PIGB: variants seen among roughly 807,000 people sequenced by gnomAD.
PIGB encodes GPI alpha-1,2-mannosyltransferase 3.
Under a neutral mutation model 68.4 loss-of-function variants are expected in PIGB, and 58 were observed. The ratio of observed to expected loss-of-function variants is 0.85; its 90% CI spans 0.69 to 1.06. PIGB has a LOEUF of 1.06. PIGB is among the 50% of genes least tolerant of loss of function. The pLI, the probability that PIGB is intolerant of heterozygous loss-of-function variation, is 0.00. For missense variants in PIGB, 634 were observed against 655.8 expected, an observed-to-expected ratio of 0.97 and a Z score of 0.36; for synonymous variants, 219 against 220.5, an observed-to-expected ratio of 0.99 and a Z score of 0.06.
At chr15:55,351,110 CTTT>C (rs374683561) in intron 10 of PIGB, among the ~76,000 whole-genome samples, 198 bp downstream of exon 10, 7 of 135,684 alleles carry the variant, frequency 5.2e-5, no homozygotes, top group Non-Finnish European at 1.6e-5. Context: ...AACTTTTTTT[CTTT>C]TTTTTTTTTT....
chr15:55,322,744 G>A (rs2055195656), intron 3 of PIGB, among the ~76,000 whole-genome samples: 1 of 152,202 alleles, frequency 6.6e-6, no homozygotes, highest in Non-Finnish European at 1.5e-5. Context: ...GGAAGATGAT[G>A]GGGAAGGAGA....
Position 55,355,494 on chromosome 15 carries a change from G to C in PIGB, c.*62G>C. On this transcript the variant is annotated 3_prime_UTR_variant, in exon 12 of 12. Transcript: ENST00000164305. The stretch of plus-strand genomic sequence containing the variant: ...ATTCAGATGCTGCTTAAATACTTCG[G>C]TAAACACTGGGTAAGATTCATGGAA... 1 of 1,327,940 alleles carries C rather than the reference G, an allele frequency of 7.5e-7. No individual in the cohort carries two copies. The highest frequency in any genetic ancestry group is 2.3e-5 in the East Asian group (1 of 42,622). The allele number at this position is 1,327,940 out of a possible 1,614,324, so 82.3% of individuals were successfully genotyped here. A position where few individuals can be genotyped will look rare whatever the true frequency, so the allele number is the denominator to read the frequency against.
chr15:55,321,262 A>C lies in PIGB; in HGVS notation c.300-11A>C, dbSNP rs1179529559. On this transcript the variant is annotated splice_polypyrimidine_tract_variant and intron_variant, in intron 2 of 11. Transcript: ENST00000164305. ...CAATATTATTGGACATTTACTCCTT[A>C]ATGTTACTAATTATGGTTATTTGAC... is the stretch of plus-strand genomic sequence containing the variant. 7 of 1,586,522 alleles carry C rather than the reference A, an allele frequency of 4.4e-6. No individual in the cohort carries two copies. The highest frequency in any genetic ancestry group is 5.1e-6 in the Non-Finnish European group (6 of 1,167,730).
At chr15:55,344,016 C>A (rs560944558) in intron 9 of PIGB, among the ~76,000 whole-genome samples, 1 of 152,196 alleles carries the variant, frequency 6.6e-6, no homozygotes, top group Non-Finnish European at 1.5e-5. Flanking sequence ...TCTTTCCTAA[C>A]TACTTGAAAT....
chr15:55,355,494 G>T lies in PIGB; in HGVS notation c.*62G>T. ...ATTCAGATGCTGCTTAAATACTTCG[G>T]TAAACACTGGGTAAGATTCATGGAA... On this transcript the variant is annotated 3_prime_UTR_variant, in exon 12 of 12. Transcript: ENST00000164305. 7.5e-7 allele frequency: 1 copy of T among 1,327,940 alleles called. No individual in the cohort carries two copies. The highest frequency in any genetic ancestry group is 1.3e-5 in the South Asian group (1 of 75,038). 82.3% of individuals were successfully genotyped at this position (1,327,940 alleles called of 1,614,324 possible).
chr15:55,337,363 C>A (rs955395600), intron 6 of PIGB, among the ~76,000 whole-genome samples: 3 of 152,204 alleles, frequency 2.0e-5, no homozygotes, highest in African/African-American at 7.2e-5. Context: ...TGGCCCCAGT[C>A]CATGGCCTCT....
chr15:55,320,410 A>G lies in PIGB; in HGVS notation c.299A>G (p.Asn100Ser), dbSNP rs776524575. Reference sequence around the variant, plus strand: ...GAAGTTTCACATCACATGGTTTTCAAATATCCTTTGTGGTTTCTTTTCCAG... The same window carrying G: ...GAAGTTTCACATCACATGGTTTTCAGATATCCTTTGTGGTTTCTTTTCCAG... The part of the protein sequence containing the change: ...SLEVSHHMVF[N>S]YGYLTWEWTE... Residue 100 changes from asparagine (N) to serine (S), a missense_variant and splice_region_variant, in exon 2 of 12, where the codon AAT becomes AGT. Transcript: ENST00000164305. 2.8e-5 allele frequency: 45 copies of G among 1,612,500 alleles called. No homozygotes were observed. The East Asian group carries it at 9.6e-4, about 34-fold the overall frequency.
chr15:55,353,484 G>A (rs760168055), intron 10 of PIGB, among the ~76,000 whole-genome samples: 35 of 151,130 alleles, frequency 2.3e-4, no homozygotes, highest in Non-Finnish European at 4.3e-4. Flanking sequence ...TTAAATGTTT[G>A]TATCAGTGAG....
At chr15:55,337,025 C>G (rs991402244) in intron 6 of PIGB, among the ~76,000 whole-genome samples, 1 of 152,022 alleles carries the variant, frequency 6.6e-6, no homozygotes, top group Admixed American at 6.6e-5. Flanking sequence ...ATATATAAAA[C>G]TTTTAAAAAT....
chr15:55,328,648 A>T (rs1487564047), intron 4 of PIGB, among the ~76,000 whole-genome samples: 1 of 152,148 alleles, frequency 6.6e-6, no homozygotes. Flanking sequence ...AAAAGTCATG[A>T]TGGCTTTGAA....
At chr15:55,322,198 A>T (rs922200910) in intron 3 of PIGB, among the ~76,000 whole-genome samples, 13 of 151,974 alleles carry the variant, frequency 8.6e-5, no homozygotes, top group African/African-American at 2.9e-4. Flanking sequence ...AAAAAGTATC[A>T]CTTGAGAGCA....
At position 55,327,636 on chromosome 15, in the gene PIGB, G is replaced by C. The variant is rs763399137; in HGVS notation, c.522+1G>C. The C allele has an allele frequency of 1.3e-6, 2 of 1,568,086 alleles. No individual in the cohort carries two copies. Among genetic ancestry groups the C allele is most frequent in the Middle Eastern group, 1.7e-4 (1 of 6,006 alleles). ...AAATCAGGAAGTGGCAAGATGGGTG[G>C]TAAGTCCTAAATACTTTAGAAGCTG... is the stretch of plus-strand genomic sequence containing the variant. On this transcript the variant is annotated splice_donor_variant, in intron 4 of 11. Transcript: ENST00000164305. LOFTEE classifies it high-confidence loss of function.
At chr15:55,334,999 A>T (rs1266444513) in intron 6 of PIGB, among the ~76,000 whole-genome samples, 1 of 152,206 alleles carries the variant, frequency 6.6e-6, no homozygotes. Flanking sequence ...AAATACAGGC[A>T]TGGGCCACCA....
At chr15:55,335,119 A>T (rs1463417347) in intron 6 of PIGB, among the ~76,000 whole-genome samples, 1 of 152,248 alleles carries the variant, frequency 6.6e-6, no homozygotes, top group African/African-American at 2.4e-5. Flanking sequence ...GCCTAGGAGC[A>T]GTAGGCTATA....
At chr15:55,337,795 A>AAT (rs1317876770) in intron 6 of PIGB, among the ~76,000 whole-genome samples, 2 of 152,206 alleles carry the variant, frequency 1.3e-5, no homozygotes, top group Non-Finnish European at 2.9e-5. Context: ...CAATAGAAGG[A>AAT]ATACATACAG....
chr15:55,351,126 T>G (rs2055912423), intron 10 of PIGB, among the ~76,000 whole-genome samples: 1 of 151,018 alleles, frequency 6.6e-6, no homozygotes, highest in Non-Finnish European at 1.5e-5. Flanking sequence ...TTTTTTTTTT[T>G]GAGACGGAGT....
intron 3 of PIGB, among the ~76,000 whole-genome samples, chr15:55,326,484 A>G (rs1386584327): frequency 2.6e-5 from 4 of 151,452 alleles, no homozygotes; most frequent in Non-Finnish European, 4.4e-5. Flanking sequence ...GTTGATACAT[A>G]TAAAATAGCA....
Position 55,333,896 on chromosome 15 carries a change from C to A in PIGB, c.683C>A (p.Ala228Asp), listed in dbSNP as rs1193957347. 6.2e-7 allele frequency: 1 copy of A among 1,606,130 alleles called. No homozygotes were observed. Among genetic ancestry groups the A allele is most frequent in the Non-Finnish European group, 8.5e-7 (1 of 1,176,544 alleles). ...SVKYSSLVAL[A>D]FIIRPTAVIL... ...AAATACTCATCCCTGGTGGCACTTG[C>A]CTTCATAATTCGTCCCACAGCTGTC... is the stretch of plus-strand genomic sequence containing the variant. Residue 228 changes from alanine to aspartate, a missense_variant, in exon 6 of 12, where the codon GCC becomes GAC. Physicochemically the swap from Ala to Asp is moderately radical, Grantham distance 126. Transcript: ENST00000164305.
At chr15:55,324,752 A>C in intron 3 of PIGB, 1 of 937,984 alleles carries the variant, frequency 1.1e-6, no homozygotes, top group Non-Finnish European at 1.3e-6. Flanking sequence ...TTGTAGCCAA[A>C]TTGACTTTTC....
Sources: allele counts gnomAD v4.1 joint callset (sites outside exome capture counted in the v4.1 genomes callset), GRCh38; gene constraint gnomAD v4.1.1; transcripts MANE v1.5; gene names NCBI Gene and HGNC (gene_info 2026-07-23, HGNC 2026-07-21).